AGBL1: variants seen among roughly 807,000 people sequenced by gnomAD.
AGBL1 encodes the protein cytosolic carboxypeptidase 4.
AGBL1 carries 130 observed loss-of-function variants against 118.9 expected under a neutral mutation model. The ratio of observed to expected loss-of-function variants is 1.09; its 90% CI spans 0.95 to 1.26. AGBL1 has a LOEUF of 1.26. Among genes scored for constraint, AGBL1 ranks in the 50% most tolerant of loss-of-function variants. AGBL1 has a pLI of 0.00. For synonymous variants in AGBL1, 555 were observed against 478.9 expected (o/e 1.16, Z -2.08); for missense variants, 1,584 against 1,298.1 (o/e 1.22, Z -3.38).
At chr15:86,548,698 G>C (rs936163620) in intron 20 of AGBL1, among the ~76,000 whole-genome samples, 16 of 135,260 alleles carry the variant, frequency 1.2e-4, no homozygotes, top group African/African-American at 4.0e-4. Context: ...CACACACACA[G>C]CCAGAAATTT....
intron 21 of AGBL1, among the ~76,000 whole-genome samples, chr15:86,559,062 A>G (rs1439902554): frequency 2.0e-5 from 3 of 152,158 alleles, no homozygotes; most frequent in Middle Eastern, 3.4e-3. Context: ...TGGTTTGTCA[A>G]CGCATCACTA....
intron 16 of AGBL1, among the ~76,000 whole-genome samples, chr15:86,288,914 T>A (rs2141751787): frequency 6.6e-6 from 1 of 152,262 alleles, no homozygotes; most frequent in Non-Finnish European, 1.5e-5. Context: ...CATTGTGAAT[T>A]GTGCCCTTTA....
intron 21 of AGBL1, among the ~76,000 whole-genome samples, chr15:86,580,642 G>A (rs1417882344): frequency 6.6e-6 from 1 of 152,020 alleles, no homozygotes; most frequent in African/African-American, 2.4e-5. Flanking sequence ...TGTATACAAT[G>A]TATAATGATC....
At chr15:86,352,654 GTA>G (rs1194652449) in intron 17 of AGBL1, among the ~76,000 whole-genome samples, 1 of 152,012 alleles carries the variant, frequency 6.6e-6, no homozygotes, top group East Asian at 1.9e-4. Context: ...ACTAATTTTT[GTA>G]TTTTTAGTAG....
At chr15:86,408,476 C>T (rs7168149) in intron 18 of AGBL1, among the ~76,000 whole-genome samples, 42,397 of 152,122 alleles carry the variant, frequency 0.28, 6,574 homozygotes, top group East Asian at 0.61. Flanking sequence ...CCACATGGAA[C>T]TCAACTGCTC....
intron 24 of AGBL1, among the ~76,000 whole-genome samples, chr15:87,006,571 T>A (rs1245989852): frequency 6.6e-6 from 1 of 152,156 alleles, no homozygotes; most frequent in Non-Finnish European, 1.5e-5. Context: ...AGTGACCTGA[T>A]TTTCCAGGTG....
chr15:86,144,406 C>T (rs749115332), intron 3 of AGBL1, among the ~76,000 whole-genome samples: 18 of 152,178 alleles, frequency 1.2e-4, no homozygotes, highest in African/African-American at 2.2e-4. Context: ...TACAAAGACA[C>T]GGACTCAACC....
At chr15:86,858,664 G>C (rs943549997) in intron 22 of AGBL1, among the ~76,000 whole-genome samples, 6 of 152,186 alleles carry the variant, frequency 3.9e-5, no homozygotes, top group African/African-American at 1.4e-4. Context: ...TACATGCTCA[G>C]GAGGGAGTTG....
chr15:86,557,845 T>A (rs1247493387), intron 21 of AGBL1, among the ~76,000 whole-genome samples: 2 of 152,144 alleles, frequency 1.3e-5, no homozygotes, highest in East Asian at 3.9e-4. Context: ...AAATGGCAAT[T>A]TCCAAGCCCT....
At chr15:86,692,353 A>C (rs1381038343) in intron 22 of AGBL1, among the ~76,000 whole-genome samples, 1 of 152,088 alleles carries the variant, frequency 6.6e-6, no homozygotes, top group African/African-American at 2.4e-5. Context: ...AGCAATAAAG[A>C]AAAGGTGAAG....
In AGBL1 at chr15:86,786,191, G is replaced by T. The variant is rs929849781; in HGVS notation, c.3158+111755G>T. On this transcript the variant is annotated intron_variant, in intron 22 of 22. Coordinates refer to ENST00000614907, the MANE Select transcript of AGBL1 (RefSeq NM_001386094.1). The stretch of plus-strand genomic sequence containing the variant: ...TAGATATGTATACACGTGCCATGCT[G>T]GTGTGCTGCACCCATTAACTCGTCA... 5.3e-5 allele frequency among the ~76,000 whole-genome samples: 8 copies of T among 152,130 alleles called. No individual in the cohort carries two copies. The East Asian group carries it at 1.4e-3, about 26-fold the overall frequency.
At position 86,825,314 on chromosome 15, in the gene AGBL1, G is replaced by A. The variant is rs7174988; in HGVS notation, c.3159-81773G>A. On this transcript the variant is annotated intron_variant, in intron 22 of 22. Coordinates refer to ENST00000614907, the MANE Select transcript of AGBL1 (RefSeq NM_001386094.1). ...ATAAAAGGAGAAATTGATAAACTGGGTTTCATCAATATTAAACACTTTCTT... is the reference window on the plus strand; with the variant it reads ...ATAAAAGGAGAAATTGATAAACTGGATTTCATCAATATTAAACACTTTCTT... 1.7e-3 allele frequency among the ~76,000 whole-genome samples: 222 copies of A among 131,384 alleles called. 1 individual carries two copies. Among genetic ancestry groups the A allele is most frequent in the African/African-American group, 6.1e-3 (210 of 34,676 alleles). 86.2% of individuals were successfully genotyped at this position (131,384 alleles called of 152,430 possible). A position where few individuals can be genotyped will look rare whatever the true frequency, so the allele number is the denominator to read the frequency against.
chr15:87,011,865 TA>T (rs2081563775), intron 24 of AGBL1, among the ~76,000 whole-genome samples: 1 of 152,238 alleles, frequency 6.6e-6, no homozygotes, highest in Non-Finnish European at 1.5e-5. Flanking sequence ...TATATTTTTC[TA>T]ATTAATTGGA....
At chr15:86,809,239 G>A (rs1327057927) in intron 22 of AGBL1, among the ~76,000 whole-genome samples, 2 of 152,116 alleles carry the variant, frequency 1.3e-5, no homozygotes, top group Non-Finnish European at 2.9e-5. Context: ...AATTTCTGTA[G>A]CTCTTCTCGT....
intron 23 of AGBL1, among the ~76,000 whole-genome samples, chr15:86,930,497 T>G (rs2080592218): frequency 6.6e-6 from 1 of 151,954 alleles, no homozygotes; most frequent in African/African-American, 2.4e-5. Flanking sequence ...AAGGGAGACC[T>G]CTGAGATGCT....
In AGBL1 at chr15:86,351,786, C is replaced by T. The variant is rs148578095; in HGVS notation, c.2375-45580C>T. On this transcript the variant is annotated intron_variant, in intron 17 of 22. Coordinates refer to ENST00000614907, the MANE Select transcript of AGBL1 (RefSeq NM_001386094.1). Reference sequence around the variant, plus strand: ...TGGGATTCTTTTCTGTCCTTCTGTTCACCTTCTGCCTTCTCTACAAGCTGA... The same window carrying T: ...TGGGATTCTTTTCTGTCCTTCTGTTTACCTTCTGCCTTCTCTACAAGCTGA... 3.3e-3 allele frequency among the ~76,000 whole-genome samples: 509 copies of T among 152,302 alleles called. 1 individual carries two copies. The highest frequency in any genetic ancestry group is 6.8e-3 in the Middle Eastern group (2 of 294).
At chr15:86,968,472 C>G (rs968017877) in intron 23 of AGBL1, among the ~76,000 whole-genome samples, 1 of 151,776 alleles carries the variant, frequency 6.6e-6, no homozygotes, top group Non-Finnish European at 1.5e-5. Context: ...TAGAAATGGC[C>G]AGGGGGATTA....
chr15:86,544,651 G>A (rs138362299), intron 19 of AGBL1, among the ~76,000 whole-genome samples: 213 of 152,122 alleles, frequency 1.4e-3, no homozygotes, highest in African/African-American at 4.9e-3. Context: ...ACACTTATTC[G>A]CTATCAGGAG....
intron 24 of AGBL1, among the ~76,000 whole-genome samples, chr15:87,012,755 C>G (rs2081574138): frequency 6.6e-6 from 1 of 151,878 alleles, no homozygotes; most frequent in Non-Finnish European, 1.5e-5. Context: ...AGATAGGGAG[C>G]TAGAAGCTAA....
Sources: allele counts gnomAD v4.1 joint callset (sites outside exome capture counted in the v4.1 genomes callset), GRCh38; gene constraint gnomAD v4.1.1; transcripts MANE v1.5; gene names NCBI Gene and HGNC (gene_info 2026-07-23, HGNC 2026-07-21).